Variants in DENND1C observed in about 807,000 individuals in gnomAD.
DENND1C encodes the protein DENN domain containing 1C.
A neutral mutation model predicts 87.9 loss-of-function variants in DENND1C; 64 were observed. That is an observed-to-expected ratio of 0.73 (90% CI 0.60 to 0.90). The LOEUF is 0.90. DENND1C is among the 40% of genes least tolerant of loss of function. The pLI is 0.00. For synonymous variants in DENND1C, 384 were observed against 424.4 expected (o/e 0.90, Z 1.17); for missense variants, 980 against 1,037.0 (o/e 0.95, Z 0.76).
At position 6,470,370 on chromosome 19, in the gene DENND1C, C is replaced by T. The variant is rs372653948; in HGVS notation, c.1291-4G>A. 24 of 1,611,802 alleles carry T rather than the reference C, an allele frequency of 1.5e-5. No individual in the cohort carries two copies. The highest frequency in any genetic ancestry group is 4.4e-5 in the South Asian group (4 of 90,502). On this transcript the variant is annotated splice_polypyrimidine_tract_variant and splice_region_variant and intron_variant, in intron 17 of 22. Transcript: ENST00000381480. Reference sequence around the variant, plus strand: ...GCAGGAGGGCGCCACCACCTTTCTGCGGGAGAGAAGATACCAAGGGGGAGA... The same window carrying T: ...GCAGGAGGGCGCCACCACCTTTCTGTGGGAGAGAAGATACCAAGGGGGAGA...
At position 6,469,580 on chromosome 19, in the gene DENND1C, G is replaced by C; in HGVS notation, c.1407+16C>G. On this transcript the variant is annotated intron_variant, in intron 19 of 22. Coordinates refer to ENST00000381480, the MANE Select transcript of DENND1C (RefSeq NM_024898.4). Reference sequence around the variant, plus strand: ...ATTACAGGGGTGAGCCACTGCACCCGGCCAGTTGATCTTACCTTATACATT... The same window carrying C: ...ATTACAGGGGTGAGCCACTGCACCCCGCCAGTTGATCTTACCTTATACATT... The C allele has an allele frequency of 6.2e-7, 1 of 1,600,038 alleles. No homozygotes were observed. The highest frequency in any genetic ancestry group is 8.5e-7 in the Non-Finnish European group (1 of 1,173,680).
chr19:6,469,071 GC>G, intron 19 of DENND1C, 118 bp from the exon 20 acceptor site: 1 of 594,612 alleles, frequency 1.7e-6, no homozygotes, highest in South Asian at 5.7e-5. Context: ...CACTCATGTT[GC>G]CCAGGCTGGA....
chr19:6,475,057 C>CAA (rs1428973898), intron 14 of DENND1C, among the ~76,000 whole-genome samples: 2 of 150,818 alleles, frequency 1.3e-5, no homozygotes, highest in Non-Finnish European at 2.9e-5. Flanking sequence ...AACAAACAAA[C>CAA]AAACAAACAA....
chr19:6,479,178 T>A, intron 4 of DENND1C, 122 bp from the exon 5 acceptor site: 7 of 1,381,720 alleles, frequency 5.1e-6, no homozygotes, highest in Non-Finnish European at 6.8e-6. Context: ...GATCCCTGAA[T>A]GTCTGGATCC....
intron 9 of DENND1C, 47 bp downstream of exon 9, chr19:6,477,027 C>A (rs367784468): frequency 2.2e-5 from 35 of 1,613,166 alleles, no homozygotes; most frequent in African/African-American, 2.7e-5. Flanking sequence ...ATCCCCGGTC[C>A]GGGTTTCGGG....
At chr19:6,472,775 G>T (rs1014173729) in intron 15 of DENND1C, 114 bp downstream of exon 15, 11 of 831,408 alleles carry the variant, frequency 1.3e-5, no homozygotes, top group Non-Finnish European at 1.9e-5. Context: ...ACTGTCTCCA[G>T]CTATACCCTC....
intron 10 of DENND1C, chr19:6,476,191 A>G (rs2092858928): frequency 6.2e-6 from 3 of 482,032 alleles, no homozygotes; most frequent in Non-Finnish European, 7.3e-6. Context: ...AATAGGCAAC[A>G]CCCCTGAGTC....
At position 6,467,302 on chromosome 19, in the gene DENND1C, A is replaced by G; in HGVS notation, c.*202T>C. The G allele has an allele frequency of 1.6e-6, 1 of 643,720 alleles. No individual in the cohort carries two copies. 39.9% of individuals were successfully genotyped at this position (643,720 alleles called of 1,614,324 possible). A position where few individuals can be genotyped will look rare whatever the true frequency, so the allele number is the denominator to read the frequency against. ...TGCCGAGAGGAATTGTAAGGTTGCC[A>G]GGATTCTAGAAGACCAGGAGGCTTC... On this transcript the variant is annotated 3_prime_UTR_variant, in exon 23 of 23. Coordinates refer to ENST00000381480, the MANE Select transcript of DENND1C (RefSeq NM_024898.4).
In DENND1C at chr19:6,467,545, G is replaced by C. The variant is rs753020561; in HGVS notation, c.2365C>G (p.Arg789Gly). 18 of 1,608,566 alleles carry C rather than the reference G, an allele frequency of 1.1e-5. No homozygotes were observed. The African/African-American group carries it at 2.4e-4, about 22-fold the overall frequency. ...TTCTTAAGATCAGCGACTCTGGGCC[G>C]GCTGCTGGGCTGGGACTTTTGACAG... Reference protein sequence around the residue: ...SNCQKSQPSSRPRVADLKKCF... With the variant: ...SNCQKSQPSSGPRVADLKKCF... Residue 789 changes from arginine to glycine, a missense_variant, in exon 23 of 23, where the codon CGG (arginine) becomes GGG (glycine). Physicochemically the swap from Arg to Gly is moderately radical, Grantham distance 125. Coordinates refer to ENST00000381480, the MANE Select transcript of DENND1C (RefSeq NM_024898.4).
intron 4 of DENND1C, among the ~76,000 whole-genome samples, chr19:6,479,323 C>CCCTGGGTCCCTGGGTT: frequency 7.3e-6 from 1 of 136,150 alleles, no homozygotes; most frequent in African/African-American, 3.7e-5. Flanking sequence ...GTTCCTCAGT[C>CCCTGGGTCCCTGGGTT]CCTGAGTCCC....
At chr19:6,480,584 A>G (rs907069584) in intron 1 of DENND1C, 30 of 334,486 alleles carry the variant, frequency 9.0e-5, no homozygotes, top group Non-Finnish European at 1.1e-4. Flanking sequence ...CTATCTATCT[A>G]TCTATCTATC....
chr19:6,472,888 C>T lies in DENND1C; in HGVS notation c.1158+1G>A. On this transcript the variant is annotated splice_donor_variant, in intron 15 of 22. Transcript: ENST00000381480. LOFTEE classifies it high-confidence loss of function. ...GCTGGACCCTCAGGGCTCTGGCATA[C>T]CTGTTTGAACAGCTGCAGGTGCACA... 6.5e-7 allele frequency: 1 copy of T among 1,546,052 alleles called. No individual in the cohort carries two copies. Among genetic ancestry groups the T allele is most frequent in the South Asian group, 1.2e-5 (1 of 80,578 alleles).
At chr19:6,472,825 C>G in intron 15 of DENND1C, 64 bp downstream of exon 15, 1 of 1,349,940 alleles carries the variant, frequency 7.4e-7, no homozygotes, top group Non-Finnish European at 9.7e-7. Flanking sequence ...CCAGTTCAGA[C>G]AAGCCCTCGG....
intron 17 of DENND1C, among the ~76,000 whole-genome samples, chr19:6,470,782 C>T (rs562882669): frequency 1.8e-3 from 278 of 150,364 alleles, no homozygotes; most frequent in African/African-American, 5.3e-3. Context: ...CCACCACACC[C>T]GGCTAATTTT....
At chr19:6,479,759 T>A in intron 3 of DENND1C, 41 bp from the exon 4 acceptor site, 3 of 1,613,148 alleles carry the variant, frequency 1.9e-6, no homozygotes, top group Non-Finnish European at 2.5e-6. Flanking sequence ...GCCACTGAGG[T>A]CGGGCACCAC....
intron 10 of DENND1C, chr19:6,476,390 C>T (rs1413077420): frequency 7.1e-5 from 13 of 182,206 alleles, no homozygotes; most frequent in Non-Finnish European, 1.5e-4. Flanking sequence ...TCCACGTCTG[C>T]CTTTGACCCT....
rs774431436 is a variant in DENND1C at position 6,468,092 on chromosome 19, G to A, written c.1818C>T (p.Asp606=). Residue 606 remains aspartate, a synonymous_variant, in exon 23 of 23, where the codon GAC becomes GAT. Transcript: ENST00000381480. The stretch of plus-strand genomic sequence containing the variant: ...GCTCCGGCTCTGGTAGTTTCTTATC[G>A]TCTGGTTGCCATCTTGGTATGTTGG... ...SLPNIPRWQP[D]DKKLPEPEPQ... The A allele has an allele frequency of 4.3e-6, 7 of 1,613,668 alleles. No homozygotes were observed. Among genetic ancestry groups the A allele is most frequent in the East Asian group, 4.5e-5 (2 of 44,862 alleles).
In DENND1C at chr19:6,478,965, CCGCCCGCAGGCGG is replaced by C. The variant is rs761258445; in HGVS notation, c.255_267del (p.Cys85TrpfsTer23). 4 of 1,613,938 alleles carry C rather than the reference CCGCCCGCAGGCGG, an allele frequency of 2.5e-6. No individual in the cohort carries two copies. The Admixed American group carries it at 5.0e-5, about 20-fold the overall frequency. ...AGGATGCAGAGACAGCTCTGGGTAC[CCGCCCGCAGGCGG>C]CAGAAACCAAATCTGCGGTTGCCGG... is the stretch of plus-strand genomic sequence containing the variant. On this transcript the variant is annotated frameshift_variant, in exon 5 of 23. Coordinates refer to ENST00000381480, the MANE Select transcript of DENND1C (RefSeq NM_024898.4). LOFTEE classifies it high-confidence loss of function.
rs2092880026 is a variant in DENND1C at position 6,478,986 on chromosome 19, C to G, written c.247G>C (p.Gly83Arg). 1 of 1,613,916 alleles carries G rather than the reference C, an allele frequency of 6.2e-7. No homozygotes were observed. The highest frequency in any genetic ancestry group is 2.2e-5 in the East Asian group (1 of 44,878). Residue 83 changes from glycine to arginine, a missense_variant, in exon 5 of 23, where the codon GGT (glycine) becomes CGT (arginine). Physicochemically the swap from Gly to Arg is moderately radical, Grantham distance 125. Coordinates refer to ENST00000381480, the MANE Select transcript of DENND1C (RefSeq NM_024898.4). ...GTACCCGCCCGCAGGCGGCAGAAAC[C>G]AAATCTGCGGTTGCCGGCAAGGTCT... ...LTDLAGNRRF[G>R]FCRLRAGTQS...
Sources: gnomAD v4.1 joint callset for allele counts (sites outside exome capture counted in the v4.1 genomes callset) on GRCh38, gnomAD v4.1.1 for gene constraint, MANE v1.5 for transcripts, NCBI Gene and HGNC (gene_info 2026-07-23, HGNC 2026-07-21) for gene names.